SESTD1: variants seen among roughly 807,000 people sequenced by gnomAD.
The protein encoded by SESTD1 is SEC14 domain and spectrin repeat-containing protein 1.
A neutral mutation model predicts 101.7 loss-of-function variants in SESTD1; 43 were observed. That is an observed-to-expected ratio of 0.42 (90% CI 0.33 to 0.55). The LOEUF (loss-of-function observed/expected upper bound fraction) is 0.55. Ranked by LOEUF, SESTD1 falls within the 20% of genes least tolerant of loss-of-function variation. The pLI is 0.07. For synonymous variants in SESTD1, 283 were observed against 286.8 expected (o/e 0.99, Z 0.13); for missense variants, 647 against 815.1 (o/e 0.79, Z 2.51).
intron 1 of SESTD1, among the ~76,000 whole-genome samples, chr2:179,244,947 T>G (rs2047207894): frequency 6.6e-6 from 1 of 152,198 alleles, no homozygotes; most frequent in South Asian, 2.1e-4. Flanking sequence ...GGTTAAATGA[T>G]GACAACAGTA....
chr2:179,200,715 C>A (rs1359851600), intron 1 of SESTD1, among the ~76,000 whole-genome samples: 1 of 138,798 alleles, frequency 7.2e-6, no homozygotes, highest in African/African-American at 2.8e-5. Flanking sequence ...AACTGGCTAG[C>A]CATATGTAGA....
At chr2:179,228,751 T>C (rs747501297) in intron 1 of SESTD1, among the ~76,000 whole-genome samples, 1 of 152,066 alleles carries the variant, frequency 6.6e-6, no homozygotes, top group Non-Finnish European at 1.5e-5. Flanking sequence ...GAAGAACAAA[T>C]AAAACCATAC....
rs149157948 is a variant in SESTD1, at chr2:179,210,873, C to G, written c.-25-19007G>C. Among the ~76,000 whole-genome samples, 36 of 134,060 alleles carry G rather than the reference C, an allele frequency of 2.7e-4. 8 individuals are homozygous for G. The highest frequency in any genetic ancestry group is 5.1e-4 in the Admixed American group (7 of 13,820). 87.9% of individuals were successfully genotyped at this position (134,060 alleles called of 152,430 possible). ...AGAAAGAAATAAACGGCATCTAAAT[C>G]GGTAAAGAAGACAAACTGTCACTGT... On this transcript the variant is annotated intron_variant, in intron 1 of 17. Transcript: ENST00000428443.
At chr2:179,233,286 T>A (rs553223793) in intron 1 of SESTD1, among the ~76,000 whole-genome samples, 1 of 152,202 alleles carries the variant, frequency 6.6e-6, no homozygotes, top group Non-Finnish European at 1.5e-5. Context: ...TCTAAATTAC[T>A]TTTTGTATAT....
At chr2:179,136,270 T>C (rs1184176370) in intron 9 of SESTD1, among the ~76,000 whole-genome samples, 1 of 152,228 alleles carries the variant, frequency 6.6e-6, no homozygotes, top group Non-Finnish European at 1.5e-5. Context: ...AGCACATTAA[T>C]GATACTAATA....
chr2:179,223,733 C>T (rs2046845180), intron 1 of SESTD1, among the ~76,000 whole-genome samples: 1 of 152,088 alleles, frequency 6.6e-6, no homozygotes, highest in East Asian at 1.9e-4. Context: ...CAATAAAAGA[C>T]TAAATGGATT....
intron 1 of SESTD1, among the ~76,000 whole-genome samples, chr2:179,229,782 TACAC>T (rs141203169): frequency 0.012 from 1,398 of 115,402 alleles, 31 homozygotes; most frequent in East Asian, 0.038. Flanking sequence ...TATACTCAAA[TACAC>T]ACACACACAC....
At chr2:179,258,643 C>T (rs1333083638) in intron 1 of SESTD1, among the ~76,000 whole-genome samples, 1 of 152,156 alleles carries the variant, frequency 6.6e-6, no homozygotes, top group African/African-American at 2.4e-5. Flanking sequence ...TGCTGAAGAA[C>T]TGTACTTCTC....
In SESTD1 at chr2:179,115,075, T is replaced by C. The variant is rs1188656820; in HGVS notation, c.1829A>G (p.Asn610Ser). The C allele has an allele frequency of 1.2e-6, 2 of 1,610,148 alleles. No individual in the cohort carries two copies. Among genetic ancestry groups the C allele is most frequent in the Admixed American group, 3.4e-5 (2 of 58,756 alleles). ...AAAACACAAGCAAACCTTTTCAGCA[T>C]TTGAGTGAAATGCAATAGCCATTTC... ...RLEMAIAFHS[N>S]AEKILQDCPE... The change falls in exon 16 of 18, where the codon AAT (asparagine) becomes AGT (serine). Residue 610 changes from asparagine (N) to serine (S), a missense_variant. This residue lies in a region of SESTD1 where 476 missense variants were observed against 562.6 expected (regional missense o/e 0.85). Transcript: ENST00000428443.
At chr2:179,206,798 G>A (rs1032699967) in intron 1 of SESTD1, among the ~76,000 whole-genome samples, 3 of 134,146 alleles carry the variant, frequency 2.2e-5, no homozygotes, top group Non-Finnish European at 3.2e-5. Context: ...GTGAAGGCTT[G>A]TACCTGAGGG....
At chr2:179,139,910 T>G (rs2045239863) in intron 9 of SESTD1, among the ~76,000 whole-genome samples, 1 of 152,208 alleles carries the variant, frequency 6.6e-6, no homozygotes, top group Admixed American at 6.5e-5. Flanking sequence ...ATAATTAACT[T>G]TGCTGTATTC....
Position 179,108,568 on chromosome 2 carries a change from C to G in SESTD1, c.*1331G>C, listed in dbSNP as rs1189630088. 1 of 150,400 alleles carries G rather than the reference C, an allele frequency of 6.6e-6. No individual in the cohort carries two copies. The highest frequency in any genetic ancestry group is 1.5e-5 in the Non-Finnish European group (1 of 67,768). 9.3% of individuals were successfully genotyped at this position (150,400 alleles called of 1,614,324 possible). ...GAAGTCTGTCAGTCAGTGAAGAAGG[C>G]TGGAAAAACTAGCAGGTTAAAAGGG... is the stretch of plus-strand genomic sequence containing the variant. On this transcript the variant is annotated 3_prime_UTR_variant, in exon 18 of 18. Coordinates refer to ENST00000428443, the MANE Select transcript of SESTD1 (RefSeq NM_178123.5).
intron 9 of SESTD1, among the ~76,000 whole-genome samples, chr2:179,138,261 A>G (rs2045199761): frequency 6.6e-6 from 1 of 152,192 alleles, no homozygotes; most frequent in African/African-American, 2.4e-5. Flanking sequence ...TTGCCAATAC[A>G]TTAACGCCTT....
At chr2:179,250,652 C>T (rs886868556) in intron 1 of SESTD1, among the ~76,000 whole-genome samples, 4 of 151,802 alleles carry the variant, frequency 2.6e-5, no homozygotes, top group Admixed American at 6.6e-5. Flanking sequence ...GGACACCAGT[C>T]AGATGGATTA....
rs138259719 is a variant in SESTD1, at chr2:179,125,866, C to T, written c.973-1308G>A. ...TTCCCACCAACAAATCCCCAACCCT[C>T]CGTTCTTCTACAGCCCTATGCTCTG... On this transcript the variant is annotated intron_variant, in intron 10 of 17. Coordinates refer to ENST00000428443, the MANE Select transcript of SESTD1 (RefSeq NM_178123.5). Among the ~76,000 whole-genome samples, 3 of 152,324 alleles carry T rather than the reference C, an allele frequency of 2.0e-5. No homozygotes were observed. The East Asian group carries it at 5.8e-4, about 29-fold the overall frequency.
At chr2:179,143,306 T>C (rs926115384) in intron 9 of SESTD1, among the ~76,000 whole-genome samples, 6 of 152,190 alleles carry the variant, frequency 3.9e-5, no homozygotes, top group African/African-American at 1.4e-4. Context: ...TGAAATGTTA[T>C]TTATTGCAAG....
intron 9 of SESTD1, among the ~76,000 whole-genome samples, chr2:179,139,140 G>A (rs1018339685): frequency 1.3e-5 from 2 of 151,854 alleles, no homozygotes; most frequent in Admixed American, 1.3e-4. Flanking sequence ...TCCTTTTAAA[G>A]AGCCCCTCAC....
At chr2:179,260,478 T>G (rs1191685851) in intron 1 of SESTD1, among the ~76,000 whole-genome samples, 1 of 152,026 alleles carries the variant, frequency 6.6e-6, no homozygotes. Context: ...ATCACACCAC[T>G]GCACTTCAGC....
chr2:179,248,321 C>A (rs911845337), intron 1 of SESTD1, among the ~76,000 whole-genome samples: 2 of 152,032 alleles, frequency 1.3e-5, no homozygotes, highest in Admixed American at 1.3e-4. Context: ...AATCTCCAAG[C>A]CCAGGTGGAG....
Sources: allele counts gnomAD v4.1 joint callset (sites outside exome capture counted in the v4.1 genomes callset), GRCh38; gene constraint gnomAD v4.1.1; regional missense constraint gnomAD v4.1.1; transcripts MANE v1.5; gene names NCBI Gene and HGNC (gene_info 2026-07-23, HGNC 2026-07-21).